The following CSMD2 variants were observed in gnomAD, a reference collection of about 807,000 sequenced individuals.
CSMD2 encodes the protein CUB and sushi domain-containing protein 2.
Under a neutral mutation model 398.5 loss-of-function variants are expected in CSMD2, and 130 were observed. The observed-to-expected ratio is 0.33, with a 90% CI of 0.28 to 0.38. CSMD2 has a LOEUF of 0.38. CSMD2 is among the 10% of genes least tolerant of loss of function. The pLI, the probability that CSMD2 is intolerant of heterozygous loss-of-function variation, is 1.00. For synonymous variants in CSMD2, 1,828 were observed against 1,908.5 expected (o/e 0.96, Z 1.10); for missense variants, 3,829 against 4,764.9 (o/e 0.80, Z 5.78).
intron 57 of CSMD2, among the ~76,000 whole-genome samples, chr1:33,545,383 T>A (rs1263123492): frequency 6.6e-6 from 1 of 152,068 alleles, no homozygotes; most frequent in African/African-American, 2.4e-5. Context: ...ACTTTGAGAG[T>A]TTTCTAAAAT....
At chr1:33,975,107 C>T (rs1645911689) in intron 3 of CSMD2, among the ~76,000 whole-genome samples, 1 of 152,140 alleles carries the variant, frequency 6.6e-6, no homozygotes, top group Non-Finnish European at 1.5e-5. Context: ...GGAGGCTGGC[C>T]CCAGGCTAGG....
At chr1:33,611,824 C>G (rs1007317469) in intron 40 of CSMD2, among the ~76,000 whole-genome samples, 1 of 152,148 alleles carries the variant, frequency 6.6e-6, no homozygotes, top group African/African-American at 2.4e-5. Flanking sequence ...TAATTAAGTT[C>G]TTAATGTACA....
rs1639577756 is a variant in CSMD2, at chr1:33,862,301, T to A, written c.921-15305A>T. 2.7e-5 allele frequency: 4 copies of A among 149,352 alleles called. No individual in the cohort carries two copies. In the Admixed American group the frequency reaches 2.7e-4, roughly 10 times the overall value. The allele number at this position is 149,352 out of a possible 1,614,324, so 9.3% of individuals were successfully genotyped here. ...TGTGGGTTAATCTTCCTGGATCTTA[T>A]CATGAGAGGGATGGAAGGTTAAGAG... On this transcript the variant is annotated intron_variant, in intron 5 of 70. Coordinates refer to ENST00000373381, the MANE Select transcript of CSMD2 (RefSeq NM_001281956.2).
intron 5 of CSMD2, among the ~76,000 whole-genome samples, chr1:33,894,747 T>C (rs374455916): frequency 6.6e-6 from 1 of 152,122 alleles, no homozygotes; most frequent in South Asian, 2.1e-4. Context: ...ACTTGGAAAA[T>C]ACCCTGGTTC....
At chr1:34,050,464 G>C (rs1653045408) in intron 2 of CSMD2, among the ~76,000 whole-genome samples, 1 of 152,164 alleles carries the variant, frequency 6.6e-6, no homozygotes, top group Non-Finnish European at 1.5e-5. Flanking sequence ...GTGGGCTCAT[G>C]CTCATGGGAT....
At chr1:34,029,059 G>A (rs529986240) in intron 3 of CSMD2, among the ~76,000 whole-genome samples, 8 of 152,208 alleles carry the variant, frequency 5.3e-5, no homozygotes, top group African/African-American at 1.9e-4. Context: ...TGTCAGCCAA[G>A]AGGAGCTACC....
chr1:33,684,790 T>C (rs1313278792), intron 25 of CSMD2, among the ~76,000 whole-genome samples: 1 of 152,252 alleles, frequency 6.6e-6, no homozygotes, highest in Non-Finnish European at 1.5e-5. Flanking sequence ...GCTTCCTCCC[T>C]GTAGTCCACC....
intron 21 of CSMD2, among the ~76,000 whole-genome samples, chr1:33,711,619 G>A (rs6680810): frequency 0.31 from 47,000 of 152,088 alleles, 8,298 homozygotes; most frequent in Middle Eastern, 0.46. Flanking sequence ...TATGGGAAGC[G>A]TGCATTAGCT....
intron 5 of CSMD2, chr1:33,863,857 T>A: frequency 4.8e-6 from 1 of 208,812 alleles, no homozygotes; most frequent in Non-Finnish European, 9.5e-6. Flanking sequence ...GAATTATTTC[T>A]GGGGGACATA....
At chr1:33,788,563 C>T in intron 12 of CSMD2, 37 bp downstream of exon 12, 1 of 1,194,282 alleles carries the variant, frequency 8.4e-7, no homozygotes, top group Non-Finnish European at 1.3e-6. Context: ...CTCTGACTCC[C>T]AGGACACAGT....
At chr1:33,544,831 T>TTATATATATATATATA (rs56072818) in intron 57 of CSMD2, among the ~76,000 whole-genome samples, 2,149 of 141,676 alleles carry the variant, frequency 0.015, 22 homozygotes, top group African/African-American at 0.018. Flanking sequence ...CACTGTGCAT[T>TTATATATATATATATA]TATATATATA....
At chr1:34,027,695 A>G (rs1440390825) in intron 3 of CSMD2, among the ~76,000 whole-genome samples, 1 of 152,254 alleles carries the variant, frequency 6.6e-6, no homozygotes, top group Non-Finnish European at 1.5e-5. Context: ...TAACACAGAA[A>G]AACGTTGGCT....
chr1:33,625,458 G>A (rs557693655), intron 33 of CSMD2, among the ~76,000 whole-genome samples: 42 of 152,328 alleles, frequency 2.8e-4, no homozygotes, highest in Admixed American at 4.6e-4. Context: ...CTACAGCACA[G>A]CTCCTGGAAA....
At chr1:33,989,046 A>C (rs1203600212) in intron 3 of CSMD2, among the ~76,000 whole-genome samples, 10 of 52,490 alleles carry the variant, frequency 1.9e-4, no homozygotes, top group African/African-American at 6.6e-4. Flanking sequence ...ATATATATAT[A>C]TATATATATA....
chr1:33,714,906 G>A (rs566827412), intron 20 of CSMD2, 131 bp from the exon 21 acceptor site: 9 of 836,590 alleles, frequency 1.1e-5, no homozygotes, highest in African/African-American at 3.4e-5. Context: ...GAGGGCATGC[G>A]CACACTGGCC....
intron 13 of CSMD2, among the ~76,000 whole-genome samples, chr1:33,750,543 T>C (rs1330664728): frequency 6.6e-6 from 1 of 152,084 alleles, no homozygotes; most frequent in African/African-American, 2.4e-5. Flanking sequence ...GACACCTACT[T>C]CCTCCCAGAG....
Position 33,617,554 on chromosome 1 carries a change from C to T in CSMD2, c.5891G>A (p.Arg1964His), listed in dbSNP as rs201751199. Residue 1964 changes from arginine to histidine, a missense_variant, in exon 38 of 71, where the codon CGC (arginine) becomes CAC (histidine). This residue lies in a region of CSMD2 where 2,001 missense variants were observed against 2,567.1 expected (regional missense o/e 0.78). Transcript: ENST00000373381. ...VPSNGVKTGE[R>H]YLVNDVVSFQ... ...AGACACCACATCATTCACCAAGTAG[C>T]GCTCGCCAGTCTTCACCCCGTTACT... The T allele has an allele frequency of 9.3e-6, 15 of 1,613,996 alleles. No individual in the cohort carries two copies. Among genetic ancestry groups the T allele is most frequent in the East Asian group, 4.5e-5 (2 of 44,896 alleles).
intron 24 of CSMD2, among the ~76,000 whole-genome samples, chr1:33,694,533 C>G (rs1264304828): frequency 6.6e-6 from 1 of 152,096 alleles, no homozygotes; most frequent in Non-Finnish European, 1.5e-5. Flanking sequence ...TAAGTTCCAT[C>G]AGAACTTATG....
At chr1:33,561,864 C>G (rs1254782571) in intron 53 of CSMD2, among the ~76,000 whole-genome samples, 1 of 152,154 alleles carries the variant, frequency 6.6e-6, no homozygotes, top group Non-Finnish European at 1.5e-5. Context: ...GTGTTTGCAG[C>G]CAGCTCGGGA....
Sources: gnomAD v4.1 joint callset for allele counts (sites outside exome capture counted in the v4.1 genomes callset) on GRCh38, gnomAD v4.1.1 for gene constraint, gnomAD v4.1.1 regional missense constraint, MANE v1.5 for transcripts, NCBI Gene and HGNC (gene_info 2026-07-23, HGNC 2026-07-21) for gene names.